The following EIF4G1 variants were observed in gnomAD, a reference collection of about 807,000 sequenced individuals.
EIF4G1 encodes EIF4-gamma.
In EIF4G1, 4 loss-of-function variants were observed where a neutral mutation model predicts 187.8. That is an observed-to-expected ratio of 0.02 (90% CI 0.01 to 0.05). EIF4G1 has a LOEUF of 0.05. EIF4G1 is among the 10% of genes least tolerant of loss of function. The pLI is 1.00. For synonymous variants in EIF4G1, 844 were observed against 781.4 expected (o/e 1.08, Z -1.34); for missense variants, 1,647 against 2,081.1 (o/e 0.79, Z 4.06).
At chr3:184,319,607 G>C (rs942006850) in intron 6 of EIF4G1, 82 bp from the exon 7 acceptor site, 4 of 921,808 alleles carry the variant, frequency 4.3e-6, no homozygotes, top group Non-Finnish European at 5.2e-6. Flanking sequence ...AGAGGTTTTG[G>C]GGTGGGAGGT....
rs541333974 is a variant in EIF4G1, at chr3:184,334,462, C to T, written c.4619-265C>T. On this transcript the variant is annotated intron_variant, in intron 32 of 32. Coordinates refer to ENST00000346169, the MANE Select transcript of EIF4G1 (RefSeq NM_198241.3). The surrounding 1 kb of genome is among the most constrained non-coding windows in gnomAD (Gnocchi z 5.8). ...ATATAGTTTTCTCCATTAAATACAT[C>T]ATGGGCAGAGAGGTTTCAGGCTGCC... is the stretch of plus-strand genomic sequence containing the variant. Among the ~76,000 whole-genome samples, 1 of 152,324 alleles carries T rather than the reference C, an allele frequency of 6.6e-6. No individual in the cohort carries two copies. The highest frequency in any genetic ancestry group is 6.5e-5 in the Admixed American group (1 of 15,306).
rs1362171480 is a variant in EIF4G1 at position 184,317,745 on chromosome 3, A to C, written c.353A>C (p.Gln118Pro). Residue 118 changes from glutamine (Q) to proline (P), a missense_variant, in exon 6 of 33, where the codon CAG (glutamine) becomes CCG (proline). Around this residue, in one of 11 missense-constraint regions of EIF4G1, gnomAD observed 139 missense variants for 187.3 expected, o/e 0.74. Coordinates refer to ENST00000346169, the MANE Select transcript of EIF4G1 (RefSeq NM_198241.3). ...QGRSTYVVPT[Q>P]QYPVQPGAPG... The stretch of plus-strand genomic sequence containing the variant: ...CGTTCCACATACGTTGTCCCGACAC[A>C]GCAGTACCCTGTGCAGCCAGGAGCC... 1 of 1,614,114 alleles carries C rather than the reference A, an allele frequency of 6.2e-7. No homozygotes were observed. The highest frequency in any genetic ancestry group is 8.5e-7 in the Non-Finnish European group (1 of 1,180,018).
Position 184,315,811 on chromosome 3 carries a change from A to G in EIF4G1, c.15A>G (p.Pro5=). 4 of 1,551,638 alleles carry G rather than the reference A, an allele frequency of 2.6e-6. No homozygotes were observed. Among genetic ancestry groups the G allele is most frequent in the Non-Finnish European group, 3.5e-6 (4 of 1,146,960 alleles). The change falls in exon 3 of 33, where the codon CCA becomes CCG. Residue 5 remains proline (P), a synonymous_variant. Coordinates refer to ENST00000346169, the MANE Select transcript of EIF4G1 (RefSeq NM_198241.3). Reference sequence around the variant, plus strand: ...CACCAAATGAAATGAACAAAGCTCCACAGTCCACAGGCCCCCCACCCGCCC... The same window carrying G: ...CACCAAATGAAATGAACAAAGCTCCGCAGTCCACAGGCCCCCCACCCGCCC... MNKA[P]QSTGPPPAPS...
rs148655555 is a variant in EIF4G1 at position 184,325,030 on chromosome 3, T to C, written c.2772T>C (p.Leu924=). The change falls in exon 18 of 33, where the codon CTT becomes CTC. Residue 924 remains leucine (L), a synonymous_variant. Coordinates refer to ENST00000346169, the MANE Select transcript of EIF4G1 (RefSeq NM_198241.3). This position sits in a 1 kb window ranked among gnomAD's most constrained non-coding sequence, Gnocchi z 5.2. ...TGCATGACTGTGTGGTCAAACTGCT[T>C]AAGAACCATGATGAAGAGTCCCTTG... ...AIMHDCVVKL[L]KNHDEESLEC... 14 of 1,614,030 alleles carry C rather than the reference T, an allele frequency of 8.7e-6. No homozygotes were observed. The African/African-American group carries it at 1.9e-4, about 22-fold the overall frequency.
Position 184,321,296 on chromosome 3 carries a change from G to A in EIF4G1, c.712G>A (p.Gly238Arg), listed in dbSNP as rs1203953088. The change falls in exon 10 of 33, where the codon GGA becomes AGA. Residue 238 changes from glycine to arginine, a missense_variant. Physicochemically the swap from Gly to Arg is moderately radical, Grantham distance 125. Around this residue, in one of 11 missense-constraint regions of EIF4G1, gnomAD observed 522 missense variants for 485.2 expected, o/e 1.08. Transcript: ENST00000346169. Reference protein sequence around the residue: ...VIVRPDDRSQGAIIADRPGLP... With the variant: ...VIVRPDDRSQRAIIADRPGLP... ...CTATGGTGCAGATGACCGGTCACAG[G>A]GAGCAATCATTGCTGACCGGCCAGG... is the stretch of plus-strand genomic sequence containing the variant. The A allele has an allele frequency of 6.2e-7, 1 of 1,614,132 alleles. No individual in the cohort carries two copies. The highest frequency in any genetic ancestry group is 1.7e-5 in the Admixed American group (1 of 60,020).
At chr3:184,329,799 G>C (rs577361796) in intron 28 of EIF4G1, among the ~76,000 whole-genome samples, 9 of 152,286 alleles carry the variant, frequency 5.9e-5, no homozygotes, top group African/African-American at 1.4e-4. Flanking sequence ...AAGTTAATTG[G>C]TAACTAGCGA....
At position 184,327,113 on chromosome 3, in the gene EIF4G1, C is replaced by T. The variant is rs557584714; in HGVS notation, c.3429-103C>T. 1.9e-5 allele frequency: 29 copies of T among 1,565,162 alleles called. No individual in the cohort carries two copies. In the African/African-American group the frequency reaches 3.1e-4, roughly 17 times the overall value. ...CCCTTGGGTTAGATTGGGGCATACT[C>T]ATTATGCTAAGAACAAGGCCCAACA... On this transcript the variant is annotated intron_variant, in intron 23 of 32. Transcript: ENST00000346169.
chr3:184,325,806 C>T lies in EIF4G1; in HGVS notation c.3122-45C>T. 1 of 1,613,238 alleles carries T rather than the reference C, an allele frequency of 6.2e-7. No individual in the cohort carries two copies. The highest frequency in any genetic ancestry group is 8.5e-7 in the Non-Finnish European group (1 of 1,179,196). On this transcript the variant is annotated intron_variant, in intron 20 of 32. Transcript: ENST00000346169. This position sits in a 1 kb window ranked among gnomAD's most constrained non-coding sequence, Gnocchi z 5.2. ...GGGGTGGCCCAAGGGGAAGGGGCTG[C>T]TAGGATTTATTCATTATTCCAGTAT...
chr3:184,323,261 G>T lies in EIF4G1; in HGVS notation c.2088+20G>T. On this transcript the variant is annotated intron_variant, in intron 14 of 32. Coordinates refer to ENST00000346169, the MANE Select transcript of EIF4G1 (RefSeq NM_198241.3). The surrounding 1 kb of genome is among the most constrained non-coding windows in gnomAD (Gnocchi z 6.9). Reference sequence around the variant, plus strand: ...GGGCCGGTGAGTGGGGCTGGGTAAAGTGGCAGGTGGGCAAGGAGTGGGAGT... The same window carrying T: ...GGGCCGGTGAGTGGGGCTGGGTAAATTGGCAGGTGGGCAAGGAGTGGGAGT... 1.2e-6 allele frequency: 2 copies of T among 1,613,992 alleles called. No individual in the cohort carries two copies. Among genetic ancestry groups the T allele is most frequent in the Non-Finnish European group, 1.7e-6 (2 of 1,179,886 alleles).
At chr3:184,327,143 C>T (rs1725089075) in intron 23 of EIF4G1, 73 bp from the exon 24 acceptor site, 6 of 1,591,846 alleles carry the variant, frequency 3.8e-6, no homozygotes, top group Non-Finnish European at 5.2e-6. Flanking sequence ...CCAACAGTTG[C>T]TCAGCATGTT....
intron 23 of EIF4G1, 38 bp downstream of exon 23, chr3:184,327,021 G>T (rs1314707607): frequency 1.2e-6 from 2 of 1,612,462 alleles, no homozygotes; most frequent in Non-Finnish European, 1.7e-6. Flanking sequence ...TCACACTGGG[G>T]GTACCGTGAT....
In EIF4G1 at chr3:184,327,845, G is replaced by T; in HGVS notation, c.3796G>T (p.Val1266Leu). 6.2e-7 allele frequency: 1 copy of T among 1,614,012 alleles called. No homozygotes were observed. Among genetic ancestry groups the T allele is most frequent in the Non-Finnish European group, 8.5e-7 (1 of 1,180,028 alleles). Reference sequence around the variant, plus strand: ...CACCCCTCAGGAGGCAGTCCAGTGCGTGCAGGAGCTGGCCTCACCCTCCTT... The same window carrying T: ...CACCCCTCAGGAGGCAGTCCAGTGCTTGCAGGAGCTGGCCTCACCCTCCTT... ...LNDMKEAVQCVQELASPSLLF... is the reference protein window; with the variant it reads ...LNDMKEAVQCLQELASPSLLF... The change falls in exon 26 of 33, where the codon GTG (valine) becomes TTG (leucine). Residue 1266 changes from valine (V) to leucine (L), a missense_variant. Around this residue, in one of 11 missense-constraint regions of EIF4G1, gnomAD observed 543 missense variants for 638.0 expected, o/e 0.85. Coordinates refer to ENST00000346169, the MANE Select transcript of EIF4G1 (RefSeq NM_198241.3).
At position 184,335,082 on chromosome 3, in the gene EIF4G1, C is replaced by T. The variant is rs1726870664; in HGVS notation, c.*174C>T. ...GATGGCTTGGGGCTGCCTGGGCCCC[C>T]CTCCAGGATGCCGCCAGGTGTCCCT... On this transcript the variant is annotated 3_prime_UTR_variant, in exon 33 of 33. Coordinates refer to ENST00000346169, the MANE Select transcript of EIF4G1 (RefSeq NM_198241.3). 6.2e-6 allele frequency: 5 copies of T among 801,398 alleles called. No homozygotes were observed. Among genetic ancestry groups the T allele is most frequent in the South Asian group, 1.7e-5 (1 of 60,520 alleles). The allele number at this position is 801,398 out of a possible 1,614,324, so 49.6% of individuals were successfully genotyped here.
rs755327360 is a variant in EIF4G1 at position 184,319,744 on chromosome 3, C to T, written c.480C>T (p.Pro160=). The T allele has an allele frequency of 6.8e-5, 110 of 1,608,210 alleles. No homozygotes were observed. The Admixed American group carries it at 7.8e-4, about 11-fold the overall frequency. Residue 160 remains proline, a synonymous_variant, in exon 7 of 33, where the codon CCC becomes CCT. Coordinates refer to ENST00000346169, the MANE Select transcript of EIF4G1 (RefSeq NM_198241.3). ...AGCAGTTTCCCACTGGCGTGGCCCC[C>T]ACCCCAGTTTTGATGAACCAGCCAC... ...GVQQFPTGVA[P]TPVLMNQPPQ...
chr3:184,323,051 G>A lies in EIF4G1; in HGVS notation c.1930-32G>A. The A allele has an allele frequency of 9.3e-6, 15 of 1,614,184 alleles. No homozygotes were observed. The highest frequency in any genetic ancestry group is 1.3e-5 in the Non-Finnish European group (15 of 1,180,040). On this transcript the variant is annotated intron_variant, in intron 13 of 32. Coordinates refer to ENST00000346169, the MANE Select transcript of EIF4G1 (RefSeq NM_198241.3). This position sits in a 1 kb window ranked among gnomAD's most constrained non-coding sequence, Gnocchi z 6.9. ...AAAGAGTAGTCAACCGCTCTAGCCTGCTTCTGAGACCTTTTCCTGTCCTCT... is the reference window on the plus strand; with the variant it reads ...AAAGAGTAGTCAACCGCTCTAGCCTACTTCTGAGACCTTTTCCTGTCCTCT...
chr3:184,332,151 C>G, intron 32 of EIF4G1, 65 bp downstream of exon 32: 5 of 1,609,902 alleles, frequency 3.1e-6, no homozygotes, highest in Non-Finnish European at 4.2e-6. Context: ...GGCATGAGAC[C>G]CTTCATGGAA....
At chr3:184,322,778 C>T (rs1197768975) in intron 12 of EIF4G1, 43 bp from the exon 13 acceptor site, 2 of 1,614,114 alleles carry the variant, frequency 1.2e-6, no homozygotes, top group Non-Finnish European at 8.5e-7. Context: ...CTTATTAGGG[C>T]CAGAGGAGGC....
At position 184,331,484 on chromosome 3, in the gene EIF4G1, A is replaced by G; in HGVS notation, c.4273A>G (p.Thr1425Ala). The change falls in exon 30 of 33, where the codon ACC becomes GCC. Residue 1425 changes from threonine (T) to alanine (A), a missense_variant. Thr to Ala is a moderately conservative substitution (Grantham distance 58). This residue lies in a region of EIF4G1 where 543 missense variants were observed against 638.0 expected (regional missense o/e 0.85). Transcript: ENST00000346169. ...TTTTCCATTGCAGAAGGTGGAGTATACCCTGGGAGAGGAGTCGGAAGCCCC... is the reference window on the plus strand; with the variant it reads ...TTTTCCATTGCAGAAGGTGGAGTATGCCCTGGGAGAGGAGTCGGAAGCCCC... ...AFVAEQKVEY[T>A]LGEESEAPGQ... The G allele has an allele frequency of 3.1e-6, 5 of 1,614,124 alleles. No homozygotes were observed. Among genetic ancestry groups the G allele is most frequent in the Non-Finnish European group, 4.2e-6 (5 of 1,180,028 alleles).
At position 184,323,746 on chromosome 3, in the gene EIF4G1, C is replaced by T. The variant is rs1560218293; in HGVS notation, c.2275-34C>T. The T allele has an allele frequency of 1.2e-6, 2 of 1,612,602 alleles. No individual in the cohort carries two copies. The highest frequency in any genetic ancestry group is 1.7e-6 in the Non-Finnish European group (2 of 1,179,844). The stretch of plus-strand genomic sequence containing the variant: ...TCCCTCCCAACAGCCTGTTCTGAGA[C>T]CCTCACTGGAACTCTTGTCTCTTCT... On this transcript the variant is annotated intron_variant, in intron 15 of 32. Coordinates refer to ENST00000346169, the MANE Select transcript of EIF4G1 (RefSeq NM_198241.3). The surrounding 1 kb of genome is among the most constrained non-coding windows in gnomAD (Gnocchi z 6.9).
Sources: gnomAD v4.1 joint callset for allele counts (sites outside exome capture counted in the v4.1 genomes callset) on GRCh38, gnomAD v4.1.1 for gene constraint, gnomAD v4.1.1 regional missense constraint, Gnocchi (gnomAD v3.1) non-coding constraint, MANE v1.5 for transcripts, NCBI Gene and HGNC (gene_info 2026-07-23, HGNC 2026-07-21) for gene names.